The following LRP1 variants were observed in gnomAD, a reference collection of about 807,000 sequenced individuals.
The protein encoded by LRP1 is LDL receptor related protein 1.
A neutral mutation model predicts 541.5 loss-of-function variants in LRP1; 51 were observed. The ratio of observed to expected loss-of-function variants is 0.09; its 90% CI spans 0.08 to 0.12. The LOEUF is 0.12. Among genes scored for constraint, LRP1 ranks in the 10% least tolerant of loss-of-function variants. The pLI, the probability that LRP1 is intolerant of heterozygous loss-of-function variation, is 1.00. For missense variants in LRP1, 3,878 were observed against 6,376.2 expected, an observed-to-expected ratio of 0.61 and a Z score of 13.34; for synonymous variants, 2,219 against 2,470.8, an observed-to-expected ratio of 0.90 and a Z score of 3.02.
At chr12:57,135,218 GGTCA>G (rs1377571532) in intron 1 of LRP1, among the ~76,000 whole-genome samples, 1 of 152,208 alleles carries the variant, frequency 6.6e-6, no homozygotes, top group Non-Finnish European at 1.5e-5. Flanking sequence ...AGCTCCCATC[GGTCA>G]GGGAGACCTC....
At position 57,197,132 on chromosome 12, in the gene LRP1, G is replaced by A. The variant is rs145303173; in HGVS notation, c.9043G>A (p.Gly3015Ser). 2,388 of 1,613,856 alleles carry A rather than the reference G, an allele frequency of 1.5e-3. 1 individual carries two copies. The highest frequency in any genetic ancestry group is 1.9e-3 in the Non-Finnish European group (2,228 of 1,180,038). The part of the protein sequence containing the change: ...CLCVEGYAPR[G>S]GDPHSCKAVT... Reference sequence around the variant, plus strand: ...GTGTGTGGAGGGCTATGCACCCCGCGGCGGCGACCCCCACAGCTGCAAGGC... The same window carrying A: ...GTGTGTGGAGGGCTATGCACCCCGCAGCGGCGACCCCCACAGCTGCAAGGC... The change falls in exon 56 of 89, where the codon GGC (glycine) becomes AGC (serine). Residue 3015 changes from glycine to serine, a missense_variant. Gly to Ser is a moderately conservative substitution (Grantham distance 56). This residue lies in a region of LRP1 where 1,100 missense variants were observed against 1,827.4 expected (regional missense o/e 0.60). Coordinates refer to ENST00000243077, the MANE Select transcript of LRP1 (RefSeq NM_002332.3). The surrounding 1 kb of genome is among the most constrained non-coding windows in gnomAD (Gnocchi z 4.5).
rs1223878188 is a variant in LRP1, at chr12:57,205,079, C to T, written c.11195-30C>T. On this transcript the variant is annotated intron_variant, in intron 72 of 88. Transcript: ENST00000243077. This position sits in a 1 kb window ranked among gnomAD's most constrained non-coding sequence, Gnocchi z 4.6. ...TGGGAGGAGGAGGCAGGGGAGAATA[C>T]CCAGGGCCTAAAGCCTCTGCCCTCC... The T allele has an allele frequency of 2.5e-6, 4 of 1,596,902 alleles. No homozygotes were observed. The Admixed American group carries it at 6.9e-5, about 27-fold the overall frequency.
Position 57,178,930 on chromosome 12 carries a change from C to T in LRP1, c.4647C>T (p.Cys1549=). 2 of 1,614,026 alleles carry T rather than the reference C, an allele frequency of 1.2e-6. No individual in the cohort carries two copies. The highest frequency in any genetic ancestry group is 1.7e-6 in the Non-Finnish European group (2 of 1,180,000). The stretch of plus-strand genomic sequence containing the variant: ...AGGCCAATGGGGGCCAGGGCCCCTG[C>T]TCCCACCTGTGTCTCATCAACTACA... The part of the protein sequence containing the change: ...PCEANGGQGP[C]SHLCLINYNR... The change falls in exon 28 of 89, where the codon TGC becomes TGT. Residue 1549 remains cysteine, a synonymous_variant. Coordinates refer to ENST00000243077, the MANE Select transcript of LRP1 (RefSeq NM_002332.3). This position sits in a 1 kb window ranked among gnomAD's most constrained non-coding sequence, Gnocchi z 5.8.
chr12:57,141,170 G>C (rs1370371112), intron 2 of LRP1, among the ~76,000 whole-genome samples: 1 of 152,186 alleles, frequency 6.6e-6, no homozygotes, highest in Admixed American at 6.5e-5. Flanking sequence ...TGAAGGCCTA[G>C]TTTCTACCTC....
rs73340527 is a variant in LRP1 at position 57,136,214 on chromosome 12, G to A, written c.68-2245G>A. On this transcript the variant is annotated intron_variant, in intron 1 of 88. Transcript: ENST00000243077. ...CCTCCTCAAGGGGCCTTTATTCCAG[G>A]CTCAGGGTGGGGGCCAGGGGAGGGA... is the stretch of plus-strand genomic sequence containing the variant. Among the ~76,000 whole-genome samples, 557 of 152,222 alleles carry A rather than the reference G, an allele frequency of 3.7e-3. 3 individuals are homozygous for A. The highest frequency in any genetic ancestry group is 0.013 in the African/African-American group (542 of 41,554).
chr12:57,134,712 T>G (rs1200270993), intron 1 of LRP1, among the ~76,000 whole-genome samples: 4 of 151,926 alleles, frequency 2.6e-5, no homozygotes, highest in Non-Finnish European at 5.9e-5. Flanking sequence ...TCTTTCTTTT[T>G]TTTTTCTTTT....
In LRP1 at chr12:57,162,187, C is replaced by T; in HGVS notation, c.2203-130C>T. ...TGCAAAACTATCACTCTCTGGGGCT[C>T]CCAGGCTAATGGGGGAAACAAAGCA... On this transcript the variant is annotated intron_variant, in intron 13 of 88. Coordinates refer to ENST00000243077, the MANE Select transcript of LRP1 (RefSeq NM_002332.3). This position sits in a 1 kb window ranked among gnomAD's most constrained non-coding sequence, Gnocchi z 5.2. The T allele has an allele frequency of 1.3e-6, 1 of 796,100 alleles. No homozygotes were observed. Among genetic ancestry groups the T allele is most frequent in the Non-Finnish European group, 2.1e-6 (1 of 465,770 alleles). The allele number at this position is 796,100 out of a possible 1,614,324, so 49.3% of individuals were successfully genotyped here.
intron 44 of LRP1, 24 bp from the exon 45 acceptor site, chr12:57,192,820 CT>C (rs2036442747): frequency 3.1e-6 from 5 of 1,613,826 alleles, no homozygotes; most frequent in Non-Finnish European, 4.2e-6. Context: ...CTCTCCAGCC[CT>C]GCGCCCACCC....
chr12:57,183,565 G>T lies in LRP1; in HGVS notation c.5794+55G>T, dbSNP rs574305343. The T allele has an allele frequency of 6.3e-7, 1 of 1,576,302 alleles. No homozygotes were observed. The highest frequency in any genetic ancestry group is 1.8e-5 in the Admixed American group (1 of 55,836). ...GCGTGGCGTAGGAGCTTTAGGGGTG[G>T]TGTGGTGTGCCCTGAGGGTCCAGTG... On this transcript the variant is annotated intron_variant, in intron 35 of 88. Coordinates refer to ENST00000243077, the MANE Select transcript of LRP1 (RefSeq NM_002332.3). This position sits in a 1 kb window ranked among gnomAD's most constrained non-coding sequence, Gnocchi z 6.1.
Position 57,178,158 on chromosome 12 carries a change from A to G in LRP1, c.4362-201A>G, listed in dbSNP as rs2036088224. ...TGGGGCTTGGGAATCGGGGCCTGAG[A>G]GGTGAAACCTGGACCTGTTGGGTTC... On this transcript the variant is annotated intron_variant, in intron 26 of 88. Coordinates refer to ENST00000243077, the MANE Select transcript of LRP1 (RefSeq NM_002332.3). This position sits in a 1 kb window ranked among gnomAD's most constrained non-coding sequence, Gnocchi z 5.8. Among the ~76,000 whole-genome samples, 1 of 151,982 alleles carries G rather than the reference A, an allele frequency of 6.6e-6. No homozygotes were observed. The highest frequency in any genetic ancestry group is 1.5e-5 in the Non-Finnish European group (1 of 67,960).
At position 57,178,893 on chromosome 12, in the gene LRP1, C is replaced by G. The variant is rs1183272473; in HGVS notation, c.4610C>G (p.Pro1537Arg). The G allele has an allele frequency of 3.7e-6, 6 of 1,612,216 alleles. No homozygotes were observed. Among genetic ancestry groups the G allele is most frequent in the Non-Finnish European group, 5.1e-6 (6 of 1,179,472 alleles). Residue 1537 changes from proline to arginine, a missense_variant, in exon 28 of 89, where the codon CCC (proline) becomes CGC (arginine). By Grantham distance (103) the Pro-to-Arg change is moderately radical (BLOSUM62 -2). This residue lies in a region of LRP1 where 54 missense variants were observed against 167.7 expected (regional missense o/e 0.32). Transcript: ENST00000243077. This position sits in a 1 kb window ranked among gnomAD's most constrained non-coding sequence, Gnocchi z 5.8. Reference sequence around the variant, plus strand: ...CTCTTCTCCACCCTGCCCCCAGCTCCCAATCCCTGTGAGGCCAATGGGGGC... The same window carrying G: ...CTCTTCTCCACCCTGCCCCCAGCTCGCAATCCCTGTGAGGCCAATGGGGGC... ...VYHPSRQPMA[P>R]NPCEANGGQG... is the part of the protein sequence containing the mutation.
chr12:57,191,875 A>ACACACATTCC (rs2036400793), intron 44 of LRP1, among the ~76,000 whole-genome samples: 1 of 12,672 alleles, frequency 7.9e-5, no homozygotes, highest in African/African-American at 2.1e-4. Flanking sequence ...CACCACACAT[A>ACACACATTCC]CCACACACAC....
Position 57,197,738 on chromosome 12 carries a change from G to A in LRP1, c.9282+74G>A, listed in dbSNP as rs34112788. Reference sequence around the variant, plus strand: ...TGTTTTCAGATCGTCTCTCCTTCCCGCCCCACCAACCCAAATTGCTTCCTT... The same window carrying A: ...TGTTTTCAGATCGTCTCTCCTTCCCACCCCACCAACCCAAATTGCTTCCTT... On this transcript the variant is annotated intron_variant, in intron 58 of 88. Transcript: ENST00000243077. This position sits in a 1 kb window ranked among gnomAD's most constrained non-coding sequence, Gnocchi z 4.5. The A allele has an allele frequency of 9.9e-4, 1,558 of 1,567,734 alleles. 10 individuals are homozygous for A. In the African/African-American group the frequency reaches 0.019, roughly 20 times the overall value.
In LRP1 at chr12:57,192,833, G is replaced by A; in HGVS notation, c.7430-12G>A. The A allele has an allele frequency of 6.2e-7, 1 of 1,614,008 alleles. No homozygotes were observed. Among genetic ancestry groups the A allele is most frequent in the South Asian group, 1.1e-5 (1 of 91,084 alleles). On this transcript the variant is annotated splice_polypyrimidine_tract_variant and intron_variant, in intron 44 of 88. Transcript: ENST00000243077. Reference sequence around the variant, plus strand: ...CACTCTCCAGCCCTGCGCCCACCCTGTCCCTGCTCAGGTGAACTCTCTCCA... The same window carrying A: ...CACTCTCCAGCCCTGCGCCCACCCTATCCCTGCTCAGGTGAACTCTCTCCA...
At position 57,210,732 on chromosome 12, in the gene LRP1, C is replaced by A. The variant is rs1318986058; in HGVS notation, c.12769C>A (p.Arg4257=). ...TCTCCCACCAGGCATGCCCACGTGC[C>A]GGTGCCCCACGGGCTTCACGGGCCC... is the stretch of plus-strand genomic sequence containing the variant. ...AASPSGMPTC[R]CPTGFTGPKC... Residue 4257 remains arginine (R), a synonymous_variant, in exon 83 of 89, where the codon CGG becomes AGG. Transcript: ENST00000243077. The A allele has an allele frequency of 1.2e-6, 2 of 1,609,544 alleles. No homozygotes were observed. Among genetic ancestry groups the A allele is most frequent in the Non-Finnish European group, 1.7e-6 (2 of 1,176,698 alleles).
At chr12:57,187,485 C>T (rs1427669451) in intron 42 of LRP1, 29 bp downstream of exon 42, 1 of 1,598,090 alleles carries the variant, frequency 6.3e-7, no homozygotes, top group African/African-American at 1.3e-5. Flanking sequence ...ATGGGGGTAG[C>T]AGGGAGAGGT....
In LRP1 at chr12:57,162,817, C is replaced by G. The variant is rs993264756; in HGVS notation, c.2405-41C>G. ...TATCCCTTCTCTGACCTCTCCTCAC[C>G]TCTTCCTCCCTTTGCCTTTCCCCAT... On this transcript the variant is annotated intron_variant, in intron 14 of 88. Coordinates refer to ENST00000243077, the MANE Select transcript of LRP1 (RefSeq NM_002332.3). The surrounding 1 kb of genome is among the most constrained non-coding windows in gnomAD (Gnocchi z 5.2). 2.5e-6 allele frequency: 4 copies of G among 1,574,818 alleles called. No homozygotes were observed. The highest frequency in any genetic ancestry group is 3.4e-6 in the Non-Finnish European group (4 of 1,159,996).
In LRP1 at chr12:57,187,358, A is replaced by C; in HGVS notation, c.6933A>C (p.Thr2311=). 6.2e-7 allele frequency: 1 copy of C among 1,614,210 alleles called. No individual in the cohort carries two copies. Among genetic ancestry groups the C allele is most frequent in the Non-Finnish European group, 8.5e-7 (1 of 1,180,040 alleles). Residue 2311 remains threonine, a synonymous_variant, in exon 42 of 89, where the codon ACA becomes ACC. Coordinates refer to ENST00000243077, the MANE Select transcript of LRP1 (RefSeq NM_002332.3). ...CGACATCCACCATCACGCGCCACAC[A>C]GTGGACCAGACCCGCCCAGGGGCCT... ...SYTTSTITRH[T]VDQTRPGAFE...
rs34010163 is a variant in LRP1 at position 57,177,947 on chromosome 12, CTTTTTTTTTTTT to C, written c.4361+364_4361+375del. Among the ~76,000 whole-genome samples, 1 of 121,374 alleles carries C rather than the reference CTTTTTTTTTTTT, an allele frequency of 8.2e-6. No homozygotes were observed. The highest frequency in any genetic ancestry group is 1.7e-5 in the Non-Finnish European group (1 of 59,804). 79.6% of individuals were successfully genotyped at this position (121,374 alleles called of 152,430 possible). A position where few individuals can be genotyped will look rare whatever the true frequency, so the allele number is the denominator to read the frequency against. ...CCCAGGGAGGGTGCCTTTTTCTTTT[CTTTTTTTTTTTT>C]TTTTTTTGAGACAGAGTCTCGCTCC... is the stretch of plus-strand genomic sequence containing the variant. On this transcript the variant is annotated intron_variant, in intron 26 of 88. Transcript: ENST00000243077. This position sits in a 1 kb window ranked among gnomAD's most constrained non-coding sequence, Gnocchi z 6.8.
Sources: gnomAD v4.1 joint callset for allele counts (sites outside exome capture counted in the v4.1 genomes callset) on GRCh38, gnomAD v4.1.1 for gene constraint, gnomAD v4.1.1 regional missense constraint, Gnocchi (gnomAD v3.1) non-coding constraint, MANE v1.5 for transcripts, NCBI Gene and HGNC (gene_info 2026-07-23, HGNC 2026-07-21) for gene names.